The following RIPOR3 variants were observed in gnomAD, a reference collection of about 807,000 sequenced individuals.
RIPOR3 encodes the protein family with sequence similarity 65 member C.
In RIPOR3, 95 loss-of-function variants were observed where a neutral mutation model predicts 114.3. That is an observed-to-expected ratio of 0.83 (90% CI 0.70 to 0.99). The LOEUF (loss-of-function observed/expected upper bound fraction) is 0.99, where lower values mean the gene tolerates loss of function less well. Among genes scored for constraint, RIPOR3 ranks in the 50% least tolerant of loss-of-function variants. The pLI is 0.00. For missense variants in RIPOR3, 1,252 were observed against 1,266.9 expected (o/e 0.99, Z 0.18); for synonymous variants, 575 against 543.8 (o/e 1.06, Z -0.80).
rs1363765160 is a variant in RIPOR3, at chr20:50,586,417, T to C, written c.*815A>G. On this transcript the variant is annotated 3_prime_UTR_variant, in exon 22 of 22. Transcript: ENST00000327979. The stretch of plus-strand genomic sequence containing the variant: ...TGAACTCTTTCTTTAGGCCAGTTGA[T>C]GGCTTCTTAGCAGTTTATTGACGAG... 2 of 152,420 alleles carry C rather than the reference T, an allele frequency of 1.3e-5. No homozygotes were observed. Among genetic ancestry groups the C allele is most frequent in the African/African-American group, 2.4e-5 (1 of 41,454 alleles). The allele number at this position is 152,420 out of a possible 1,614,324, so 9.4% of individuals were successfully genotyped here.
In RIPOR3 at chr20:50,587,793, A is replaced by C; in HGVS notation, c.2752+9T>G. On this transcript the variant is annotated intron_variant, in intron 21 of 21. Coordinates refer to ENST00000327979, the MANE Select transcript of RIPOR3 (RefSeq NM_001290268.2). ...CCCGCTGCGCTGCACAGTTTGTGCC[A>C]CTTTTTACCGAACGACAGTGTGGTT... 1 of 1,614,002 alleles carries C rather than the reference A, an allele frequency of 6.2e-7. No individual in the cohort carries two copies. Among genetic ancestry groups the C allele is most frequent in the Non-Finnish European group, 8.5e-7 (1 of 1,179,932 alleles).
chr20:50,623,868 C>T (rs1053914849), intron 2 of RIPOR3, among the ~76,000 whole-genome samples: 4 of 152,166 alleles, frequency 2.6e-5, no homozygotes, highest in South Asian at 2.1e-4. Flanking sequence ...GATGAAATTT[C>T]GCTCTGTCGA....
intron 1 of RIPOR3, among the ~76,000 whole-genome samples, chr20:50,652,608 A>AAAAAAG (rs1285740383): frequency 4.1e-5 from 6 of 146,414 alleles, no homozygotes; most frequent in Admixed American, 6.8e-5. Context: ...AAAAAAAAAA[A>AAAAAAG]AAAAAGAAAA....
intron 2 of RIPOR3, among the ~76,000 whole-genome samples, chr20:50,625,367 C>T (rs377358915): frequency 1.3e-5 from 2 of 152,310 alleles, no homozygotes; most frequent in South Asian, 2.1e-4. Context: ...CCACCACGCC[C>T]GCCTGGCCTG....
At position 50,597,678 on chromosome 20, in the gene RIPOR3, G is replaced by A. The variant is rs148727951; in HGVS notation, c.1692C>T (p.Ala564=). ...CCAGGATGCACTCCATCAGGCTCTCGGCCGAGGTGTGCTCCTGCCGTGCTC... is the reference window on the plus strand; with the variant it reads ...CCAGGATGCACTCCATCAGGCTCTCAGCCGAGGTGTGCTCCTGCCGTGCTC... ...PCRARQEHTS[A]ESLMECILES... is the part of the protein sequence containing the mutation. Residue 564 remains alanine (A), a synonymous_variant, in exon 14 of 22, where the codon GCC becomes GCT. Transcript: ENST00000327979. 15,607 of 1,611,938 alleles carry A rather than the reference G, an allele frequency of 9.7e-3. 104 individuals are homozygous for A. The highest frequency in any genetic ancestry group is 0.014 in the Middle Eastern group (83 of 6,054).
chr20:50,602,969 C>A lies in RIPOR3; in HGVS notation c.1087-325G>T. On this transcript the variant is annotated intron_variant, in intron 12 of 21. Coordinates refer to ENST00000327979, the MANE Select transcript of RIPOR3 (RefSeq NM_001290268.2). This position sits in a 1 kb window ranked among gnomAD's most constrained non-coding sequence, Gnocchi z 4.3. ...CGTCAGAACACTCTTCCCCATGTGCCTTCATGGCTTGTGCCCTCGCCTCCT... is the reference window on the plus strand; with the variant it reads ...CGTCAGAACACTCTTCCCCATGTGCATTCATGGCTTGTGCCCTCGCCTCCT... Among the ~76,000 whole-genome samples, 1 of 152,206 alleles carries A rather than the reference C, an allele frequency of 6.6e-6. No homozygotes were observed. Among genetic ancestry groups the A allele is most frequent in the East Asian group, 1.9e-4 (1 of 5,184 alleles).
At chr20:50,612,338 T>C (rs1017086862) in intron 4 of RIPOR3, among the ~76,000 whole-genome samples, 1 of 152,090 alleles carries the variant, frequency 6.6e-6, no homozygotes, top group Non-Finnish European at 1.5e-5. Context: ...ACAGACAATA[T>C]GTACATGAAC....
chr20:50,667,937 C>G (rs1027115133), intron 1 of RIPOR3, among the ~76,000 whole-genome samples: 13 of 152,152 alleles, frequency 8.5e-5, no homozygotes, highest in Non-Finnish European at 1.6e-4. Context: ...AGGGCTGTTT[C>G]TGAGATTCCA....
In RIPOR3 at chr20:50,602,372, T is replaced by TG. The variant is rs1283206212; in HGVS notation, c.1358dup (p.Gly454ArgfsTer44). ...GGTGGGCCATCTCTGGCAGGAGACC[T>TG]GGGGGCAGGGGGTCCTCCCGAGCCT... On this transcript the variant is annotated frameshift_variant, in exon 13 of 22. Transcript: ENST00000327979. LOFTEE classifies it high-confidence loss of function. This position sits in a 1 kb window ranked among gnomAD's most constrained non-coding sequence, Gnocchi z 4.3. 1.9e-6 allele frequency: 3 copies of TG among 1,613,172 alleles called. No individual in the cohort carries two copies. In the South Asian group the frequency reaches 3.3e-5, roughly 18 times the overall value.
intron 1 of RIPOR3, chr20:50,636,465 G>T (rs530891570): frequency 8.9e-5 from 68 of 760,062 alleles, no homozygotes; most frequent in Middle Eastern, 6.9e-4. Context: ...AGGAATGCTC[G>T]GGTGGCTTAG....
At chr20:50,675,109 G>A (rs1352730909) in intron 1 of RIPOR3, among the ~76,000 whole-genome samples, 2 of 152,078 alleles carry the variant, frequency 1.3e-5, no homozygotes, top group African/African-American at 2.4e-5. Flanking sequence ...AAGTGGTGGT[G>A]CAAAGATGGT....
intron 2 of RIPOR3, among the ~76,000 whole-genome samples, chr20:50,629,121 G>A (rs2084729777): frequency 1.3e-5 from 2 of 152,138 alleles, no homozygotes; most frequent in African/African-American, 2.4e-5. Context: ...CTGAGGCCGG[G>A]AGGGGAGGGA....
At chr20:50,612,733 G>T (rs188541812) in intron 4 of RIPOR3, among the ~76,000 whole-genome samples, 1 of 145,138 alleles carries the variant, frequency 6.9e-6, no homozygotes, top group East Asian at 1.9e-4. Context: ...AAGAAAGAAG[G>T]ATTCAACCCC....
Position 50,587,162 on chromosome 20 carries a change from GCAGGCTATGTC to G in RIPOR3, c.*59_*69del. On this transcript the variant is annotated 3_prime_UTR_variant, in exon 22 of 22. Coordinates refer to ENST00000327979, the MANE Select transcript of RIPOR3 (RefSeq NM_001290268.2). ...AGTGCACAGCACCATTACCCAGAGTGCAGGCTATGTCCAGGCTGGGCAGCAGCAAAAAAAAC... is the reference window on the plus strand; with the variant it reads ...AGTGCACAGCACCATTACCCAGAGTGCAGGCTGGGCAGCAGCAAAAAAAAC... 1 of 1,180,750 alleles carries G rather than the reference GCAGGCTATGTC, an allele frequency of 8.5e-7. No homozygotes were observed. Among genetic ancestry groups the G allele is most frequent in the Non-Finnish European group, 1.3e-6 (1 of 794,748 alleles). 73.1% of individuals were successfully genotyped at this position (1,180,750 alleles called of 1,614,324 possible).
Position 50,595,425 on chromosome 20 carries a change from T to C in RIPOR3, c.1994A>G (p.Glu665Gly). 1 of 1,614,170 alleles carries C rather than the reference T, an allele frequency of 6.2e-7. No individual in the cohort carries two copies. The part of the protein sequence containing the change: ...EEVAQQKHVL[E>G]TLSVLDFEKV... ...CTCAAAGTCAAGGACAGAAAGTGTC[T>C]CCAGAACGTGCTTTTGCTGTGCCAC... The change falls in exon 16 of 22, where the codon GAG (glutamate) becomes GGG (glycine). Residue 665 changes from glutamate to glycine, a missense_variant. Physicochemically the swap from Glu to Gly is moderately conservative, Grantham distance 98. Coordinates refer to ENST00000327979, the MANE Select transcript of RIPOR3 (RefSeq NM_001290268.2).
At chr20:50,685,920 G>A (rs1346963018) in intron 1 of RIPOR3, among the ~76,000 whole-genome samples, 3 of 151,876 alleles carry the variant, frequency 2.0e-5, no homozygotes, top group African/African-American at 4.8e-5. Context: ...AAATGTCCAG[G>A]ACACCTGTTG....
intron 1 of RIPOR3, among the ~76,000 whole-genome samples, chr20:50,670,011 G>T (rs2123518375): frequency 1.3e-5 from 1 of 78,398 alleles, no homozygotes; most frequent in South Asian, 6.6e-4. Flanking sequence ...ACAAAAATTA[G>T]CCGGGCGTGG....
chr20:50,634,758 C>T (rs958992908), intron 1 of RIPOR3, among the ~76,000 whole-genome samples: 1 of 152,214 alleles, frequency 6.6e-6, no homozygotes, highest in Non-Finnish European at 1.5e-5. Context: ...AAAGGCTGAG[C>T]GCAGTGGCTC....
At chr20:50,653,692 G>A (rs1300262678) in intron 1 of RIPOR3, among the ~76,000 whole-genome samples, 1 of 151,826 alleles carries the variant, frequency 6.6e-6, no homozygotes, top group Non-Finnish European at 1.5e-5. Context: ...CCGGGTTTGA[G>A]CAATTCTCCC....
Sources: gnomAD v4.1 joint callset for allele counts (sites outside exome capture counted in the v4.1 genomes callset) on GRCh38, gnomAD v4.1.1 for gene constraint, Gnocchi (gnomAD v3.1) non-coding constraint, MANE v1.5 for transcripts, NCBI Gene and HGNC (gene_info 2026-07-23, HGNC 2026-07-21) for gene names.